Variants in SPMIP11 observed in about 807,000 individuals in gnomAD.
The protein encoded by SPMIP11 is long intergenic non-protein coding RNA 935.
At chr12:48,767,333 A>C in the SPMIP11 span, 1 of 151,328 alleles carries the variant, frequency 6.6e-6, no homozygotes, top group Admixed American at 6.6e-5. Flanking sequence ...CACAAAAAGG[A>C]CTCCTCTCCC....
chr12:48,753,886 A>G, the SPMIP11 span, among the ~76,000 whole-genome samples: 7 of 151,374 alleles, frequency 4.6e-5, no homozygotes, highest in South Asian at 1.5e-3. Flanking sequence ...TATTTTTAGT[A>G]GAGACAGGGT....
chr12:48,770,890 G>A, the SPMIP11 span: 17 of 1,614,128 alleles, frequency 1.1e-5, no homozygotes, highest in South Asian at 2.2e-5. Flanking sequence ...AGGTGCTGGC[G>A]TTCAGCCCTG....
At chr12:48,768,844 G>T in the SPMIP11 span, 2 of 1,549,110 alleles carry the variant, frequency 1.3e-6, no homozygotes, top group African/African-American at 1.4e-5. Context: ...CAGAACACTA[G>T]CCACCCTACC....
At chr12:48,739,390 G>T in the SPMIP11 span, among the ~76,000 whole-genome samples, 1 of 152,128 alleles carries the variant, frequency 6.6e-6, no homozygotes, top group Admixed American at 6.6e-5. Context: ...ACAGAAGAAG[G>T]TATTGAGGGT....
At chr12:48,737,052 C>T in the SPMIP11 span, among the ~76,000 whole-genome samples, 2 of 151,784 alleles carry the variant, frequency 1.3e-5, no homozygotes, top group Admixed American at 6.6e-5. Flanking sequence ...TGGGCTCAAG[C>T]GATCCTCCCA....
At chr12:48,731,490 C>CA in the SPMIP11 span, among the ~76,000 whole-genome samples, 8,768 of 134,918 alleles carry the variant, frequency 0.065, 299 homozygotes, top group African/African-American at 0.091. Flanking sequence ...GACTCCATCT[C>CA]AAAAAAAAAA....
the SPMIP11 span, chr12:48,764,724 G>A: frequency 2.8e-5 from 17 of 610,098 alleles, no homozygotes; most frequent in Non-Finnish European, 4.4e-5. Context: ...ACACTCCCAG[G>A]ACCTCTCAGC....
At chr12:48,760,932 T>C in the SPMIP11 span, among the ~76,000 whole-genome samples, 63 of 152,262 alleles carry the variant, frequency 4.1e-4, no homozygotes, top group Non-Finnish European at 8.2e-4. Flanking sequence ...TATATTATCA[T>C]GCATTATCCC....
chr12:48,743,792 C>A, the SPMIP11 span, among the ~76,000 whole-genome samples: 4,778 of 151,998 alleles, frequency 0.031, 219 homozygotes, highest in African/African-American at 0.099. Flanking sequence ...ATTAGCTGGG[C>A]GTGGTGGCAG....
the SPMIP11 span, among the ~76,000 whole-genome samples, chr12:48,756,149 CT>C: frequency 6.6e-6 from 1 of 152,044 alleles, no homozygotes; most frequent in South Asian, 2.1e-4. Context: ...TCCCAAAGTG[CT>C]GGGATTACAG....
the SPMIP11 span, among the ~76,000 whole-genome samples, chr12:48,740,047 A>G: frequency 6.6e-6 from 1 of 151,872 alleles, no homozygotes; most frequent in Non-Finnish European, 1.5e-5. Context: ...ATCCTTGACC[A>G]CTCTCTTTGC....
At chr12:48,748,551 A>C in the SPMIP11 span, among the ~76,000 whole-genome samples, 2 of 151,302 alleles carry the variant, frequency 1.3e-5, no homozygotes. Context: ...TGATCACCAA[A>C]CTCAAGCGGG....
the SPMIP11 span, among the ~76,000 whole-genome samples, chr12:48,769,763 T>TG: frequency 2.0e-5 from 3 of 149,646 alleles, no homozygotes; most frequent in Non-Finnish European, 4.5e-5. Context: ...ATTTTTGTTT[T>TG]TTTTTTTTTT....
At chr12:48,741,694 A>G in the SPMIP11 span, among the ~76,000 whole-genome samples, 1 of 148,470 alleles carries the variant, frequency 6.7e-6, no homozygotes, top group Non-Finnish European at 1.5e-5. Flanking sequence ...CTCAGGCTTG[A>G]GTGCAGTGGC....
At chr12:48,760,682 AC>A in the SPMIP11 span, among the ~76,000 whole-genome samples, 1 of 151,780 alleles carries the variant, frequency 6.6e-6, no homozygotes, top group Non-Finnish European at 1.5e-5. Context: ...GTGCACCACC[AC>A]CCCTGGCTAA....
the SPMIP11 span, among the ~76,000 whole-genome samples, chr12:48,741,837 C>T: frequency 1.2e-4 from 18 of 152,060 alleles, no homozygotes; most frequent in African/African-American, 4.3e-4. Context: ...GGCAAGGTCT[C>T]GCTATGTTGT....
the SPMIP11 span, among the ~76,000 whole-genome samples, chr12:48,751,957 C>T: frequency 6.6e-6 from 1 of 151,582 alleles, no homozygotes; most frequent in Admixed American, 6.6e-5. Flanking sequence ...ATCCCAGCTA[C>T]TTGGGAGGCC....
chr12:48,748,388 C>T, the SPMIP11 span, among the ~76,000 whole-genome samples: 1 of 151,926 alleles, frequency 6.6e-6, no homozygotes, highest in East Asian at 1.9e-4. Flanking sequence ...CCCTTGACCA[C>T]GTGGTCCCCT....
chr12:48,770,621 T>C, the SPMIP11 span: 1 of 756,696 alleles, frequency 1.3e-6, no homozygotes, highest in East Asian at 2.5e-5. Context: ...CTGTTCTTAA[T>C]ATCAGACTTG....
Sources: allele counts gnomAD v4.1 joint callset (sites outside exome capture counted in the v4.1 genomes callset), GRCh38; gene constraint gnomAD v4.1.1; transcripts MANE v1.5; gene names NCBI Gene and HGNC (gene_info 2026-07-23, HGNC 2026-07-21).